CANX: variants seen among roughly 807,000 people sequenced by gnomAD.
The protein encoded by CANX is calnexin, also known as epididymis secretory sperm binding protein.
Under a neutral mutation model 75.7 loss-of-function variants are expected in CANX, and 14 were observed. The ratio of observed to expected loss-of-function variants is 0.19; its 90% CI spans 0.12 to 0.29. The LOEUF (loss-of-function observed/expected upper bound fraction) is 0.29. CANX is among the 10% of genes least tolerant of loss of function. The pLI, the probability that CANX is intolerant of heterozygous loss-of-function variation, is 1.00. For missense variants in CANX, 567 were observed against 713.2 expected, an observed-to-expected ratio of 0.79 and a Z score of 2.34; for synonymous variants, 227 against 236.9, an observed-to-expected ratio of 0.96 and a Z score of 0.38.
At chr5:179,698,007 T>TA (rs1776463513), upstream of CANX, among the ~76,000 whole-genome samples, 2 of 152,182 alleles carry the variant, frequency 1.3e-5, no homozygotes, top group South Asian at 2.1e-4. Context: ...AGATCAGTGA[T>TA]ACATTCGCTG....
At chr5:179,689,190 TGAGCAGA>T (rs1397193160) in intron 1 of CANX, among the ~76,000 whole-genome samples, 11 of 152,152 alleles carry the variant, frequency 7.2e-5, no homozygotes, top group African/African-American at 2.7e-4. Context: ...GAGGTTGCAG[TGAGCAGA>T]GATCGTGCCA....
intron 1 of CANX, among the ~76,000 whole-genome samples, chr5:179,691,789 A>T (rs1272988143): frequency 1.3e-5 from 2 of 151,730 alleles, no homozygotes; most frequent in Non-Finnish European, 2.9e-5. Context: ...TAATTTATTT[A>T]TTTTTTGAGA....
chr5:179,714,354 G>T (rs1490689718), intron 7 of CANX, among the ~76,000 whole-genome samples: 1 of 151,940 alleles, frequency 6.6e-6, no homozygotes, highest in African/African-American at 2.4e-5. Flanking sequence ...AATATCACAC[G>T]TACCCCGAAA....
chr5:179,723,540 T>C, intron 11 of CANX, 120 bp from the exon 12 acceptor site: 1 of 952,124 alleles, frequency 1.1e-6, no homozygotes, highest in Non-Finnish European at 1.6e-6. Context: ...TTATGAGCAT[T>C]TTCTCTGAAA....
rs747023297 is a variant in CANX at position 179,709,051 on chromosome 5, C to T, written c.520C>T (p.Leu174Phe). Residue 174 changes from leucine to phenylalanine, a missense_variant, in exon 6 of 15, where the codon CTC becomes TTC. By Grantham distance (22) the Leu-to-Phe change is conservative. Coordinates refer to ENST00000247461, the MANE Select transcript of CANX (RefSeq NM_001746.4). ...YVKLLSKTPE[L>F]NLDQFHDKTP... The stretch of plus-strand genomic sequence containing the variant: ...GAAACTGCTTTCTAAAACACCAGAA[C>T]TCAACCTGGTATGTAATTCCCATTT... The T allele has an allele frequency of 2.5e-6, 4 of 1,570,642 alleles. No homozygotes were observed. The Admixed American group carries it at 6.7e-5, about 26-fold the overall frequency.
intron 4 of CANX, among the ~76,000 whole-genome samples, chr5:179,707,590 A>C (rs1777230713): frequency 6.6e-6 from 1 of 151,222 alleles, no homozygotes. Context: ...TCTCAAAAAA[A>C]AAAAAAAAAA....
At chr5:179,680,863 T>C in intron 1 of CANX, 1 of 1,535,436 alleles carries the variant, frequency 6.5e-7, no homozygotes. Flanking sequence ...AGAGGCTGGA[T>C]GGTACATACC....
At chr5:179,685,168 G>A (rs536339487) in intron 1 of CANX, among the ~76,000 whole-genome samples, 40 of 149,372 alleles carry the variant, frequency 2.7e-4, no homozygotes, top group Admixed American at 1.5e-3. Context: ...GCGCAACCTC[G>A]GGTCACTGCA....
At chr5:179,700,041 C>G (rs1776630336) in intron 1 of CANX, 1 of 152,108 alleles carries the variant, frequency 6.6e-6, no homozygotes, top group African/African-American at 2.4e-5. Flanking sequence ...AGTAACTGCT[C>G]GATGATCATT....
chr5:179,718,756 G>A (rs1291399700), intron 8 of CANX, among the ~76,000 whole-genome samples: 7 of 152,140 alleles, frequency 4.6e-5, no homozygotes, highest in Admixed American at 3.3e-4. Flanking sequence ...TCAAACTCCC[G>A]ACCTCAGGTG....
chr5:179,710,020 C>G lies in CANX; in HGVS notation c.676C>G (p.Leu226Val), dbSNP rs749461583. The G allele has an allele frequency of 1.9e-6, 3 of 1,610,760 alleles. No individual in the cohort carries two copies. In the South Asian group the frequency reaches 3.3e-5, roughly 18 times the overall value. The change falls in exon 7 of 15, where the codon CTG becomes GTG. Residue 226 changes from leucine to valine, a missense_variant. Coordinates refer to ENST00000247461, the MANE Select transcript of CANX (RefSeq NM_001746.4). ...ACATGCTAAGAGGCCAGATGCAGAT[C>G]TGAAGACCTATTTTACTGATAAGAA... The part of the protein sequence containing the change: ...EKHAKRPDAD[L>V]KTYFTDKKTH...
At chr5:179,721,231 A>G (rs1264406241) in intron 10 of CANX, among the ~76,000 whole-genome samples, 1 of 151,664 alleles carries the variant, frequency 6.6e-6, no homozygotes, top group African/African-American at 2.4e-5. Flanking sequence ...GTGTGCTCAC[A>G]GGTGTGCTCA....
intron 7 of CANX, chr5:179,715,846 A>G (rs1475779085): frequency 2.0e-6 from 1 of 505,776 alleles, no homozygotes; most frequent in East Asian, 4.2e-5. Flanking sequence ...TAGTGTCTAT[A>G]AGTCAAGTCT....
At chr5:179,719,976 C>T (rs977955965) in intron 9 of CANX, among the ~76,000 whole-genome samples, 195 bp downstream of exon 9, 6 of 151,986 alleles carry the variant, frequency 3.9e-5, no homozygotes, top group Admixed American at 2.0e-4. Context: ...TGTGTGCCAC[C>T]ACACCCGGCA....
intron 2 of CANX, 117 bp downstream of exon 2, chr5:179,705,969 G>T: frequency 1.3e-6 from 1 of 760,542 alleles, no homozygotes. Context: ...ACAGGAGTGT[G>T]AGTCCAGCCT....
At chr5:179,698,371 C>G, upstream of CANX, 1 of 1,199,404 alleles carries the variant, frequency 8.3e-7, no homozygotes, top group South Asian at 1.5e-5. Context: ...CTGGGCCGAG[C>G]CATGACTCTG....
intron 1 of CANX, among the ~76,000 whole-genome samples, chr5:179,687,000 C>T (rs905347876): frequency 6.6e-6 from 1 of 152,196 alleles, no homozygotes; most frequent in Non-Finnish European, 1.5e-5. Flanking sequence ...TGGTCTTGAA[C>T]TCCTGACCTC....
At chr5:179,698,602 G>T (rs983374160), upstream of CANX, 1 of 1,288,356 alleles carries the variant, frequency 7.8e-7, no homozygotes, top group African/African-American at 1.5e-5. Context: ...GGAACCAGAC[G>T]GGTGAGGGCT....
Position 179,678,881 on chromosome 5 carries a change from T to C in CANX, c.-4+104T>C, listed in dbSNP as rs990600735. 6 of 1,535,772 alleles carry C rather than the reference T, an allele frequency of 3.9e-6. No homozygotes were observed. In the African/African-American group the frequency reaches 8.2e-5, roughly 21 times the overall value. On this transcript the variant is annotated intron_variant, in intron 1 of 14. Transcript: ENST00000681674. ...CAGCGGCGACCGCGTCCTCGCCAGC[T>C]GGCTCTCAGTGGTCCACCGCCCGCC...
Sources: gnomAD v4.1 joint callset for allele counts (sites outside exome capture counted in the v4.1 genomes callset) on GRCh38, gnomAD v4.1.1 for gene constraint, MANE v1.5 for transcripts, NCBI Gene and HGNC (gene_info 2026-07-23, HGNC 2026-07-21) for gene names.